The following RNF43 variants were observed in gnomAD, a reference collection of about 807,000 sequenced individuals.
The protein encoded by RNF43 is ring finger protein 43, also known as E3 ubiquitin-protein ligase RNF43.
A neutral mutation model predicts 78.4 loss-of-function variants in RNF43; 37 were observed. The observed-to-expected ratio is 0.47, with a 90% CI of 0.36 to 0.62. The LOEUF is 0.62. RNF43 is among the 20% of genes least tolerant of loss of function. RNF43 has a pLI of 0.00. For synonymous variants in RNF43, 347 were observed against 395.0 expected, an observed-to-expected ratio of 0.88 and a Z score of 1.44; for missense variants, 774 against 1,007.9, an observed-to-expected ratio of 0.77 and a Z score of 3.14.
intron 2 of RNF43, among the ~76,000 whole-genome samples, chr17:58,405,758 GAAAGAA>G (rs1348856620): frequency 6.8e-6 from 1 of 147,172 alleles, no homozygotes; most frequent in South Asian, 2.2e-4. Context: ...AAGAAAGAAA[GAAAGAA>G]AAAGAGAAAA....
intron 3 of RNF43, among the ~76,000 whole-genome samples, chr17:58,370,060 G>GT (rs56372311): frequency 0.18 from 17,640 of 95,392 alleles, 3,923 homozygotes; most frequent in South Asian, 0.26. Context: ...GAAAATCTGA[G>GT]TTTTTTTTTT....
chr17:58,353,267 A>C (rs1340927006), downstream of RNF43: 3 of 219,184 alleles, frequency 1.4e-5, no homozygotes, highest in African/African-American at 6.7e-5. Context: ...CACTGAATAA[A>C]ACTTTCCACT....
chr17:58,400,457 CAA>C (rs1197183552), intron 2 of RNF43, among the ~76,000 whole-genome samples: 1 of 152,130 alleles, frequency 6.6e-6, no homozygotes, highest in African/African-American at 2.4e-5. Context: ...AGGAATAGCT[CAA>C]GTTTAATTAC....
At chr17:58,384,014 T>C (rs1298081039) in intron 2 of RNF43, among the ~76,000 whole-genome samples, 1 of 151,722 alleles carries the variant, frequency 6.6e-6, no homozygotes, top group Non-Finnish European at 1.5e-5. Flanking sequence ...CTCTCCAGCC[T>C]ATCCTGCCCC....
At chr17:58,359,478 C>A (rs1972781087) in intron 8 of RNF43, among the ~76,000 whole-genome samples, 1 of 151,712 alleles carries the variant, frequency 6.6e-6, no homozygotes, top group Non-Finnish European at 1.5e-5. Flanking sequence ...GTGGCGGGCG[C>A]CTATAGTCCC....
rs752331006 is a variant in RNF43, at chr17:58,356,927, CCT to C, written c.2308+539_2308+540del. The stretch of plus-strand genomic sequence containing the variant: ...TTTTTTTTTTGAGATGGAGTCTCAC[CCT>C]GTTACCCAGGCTGGAGTGCAGTGGC... On this transcript the variant is annotated intron_variant, in intron 9 of 9. Transcript: ENST00000407977. 360 of 261,030 alleles carry C rather than the reference CCT, an allele frequency of 1.4e-3. 3 individuals carry two copies. Among genetic ancestry groups the C allele is most frequent in the Non-Finnish European group, 1.9e-3 (270 of 140,534 alleles). 16.2% of individuals were successfully genotyped at this position (261,030 alleles called of 1,614,324 possible). A position where few individuals can be genotyped will look rare whatever the true frequency, so the allele number is the denominator to read the frequency against.
At chr17:58,353,385 G>T (rs886431750), downstream of RNF43, 1 of 202,516 alleles carries the variant, frequency 4.9e-6, no homozygotes, top group African/African-American at 2.3e-5. Context: ...TTTGCCCAAG[G>T]TCTGAGTCAC....
intron 2 of RNF43, among the ~76,000 whole-genome samples, chr17:58,373,900 A>T (rs1010644965): frequency 1.3e-5 from 2 of 152,200 alleles, no homozygotes; most frequent in Non-Finnish European, 2.9e-5. Flanking sequence ...ACTCTGCCTG[A>T]CTCCATTGTC....
chr17:58,385,063 T>C (rs575365278), intron 2 of RNF43, among the ~76,000 whole-genome samples: 7 of 152,362 alleles, frequency 4.6e-5, no homozygotes, highest in African/African-American at 1.7e-4. Flanking sequence ...CTTCACGTGT[T>C]GCTCATGACA....
At chr17:58,355,051 C>T in intron 9 of RNF43, 65 bp from the exon 10 acceptor site, 1 of 1,402,146 alleles carries the variant, frequency 7.1e-7, no homozygotes, top group East Asian at 2.3e-5. Context: ...GCTTCTCTCG[C>T]CTGCAGCAGA....
chr17:58,371,432 G>C (rs1973094843), intron 2 of RNF43, among the ~76,000 whole-genome samples: 1 of 152,226 alleles, frequency 6.6e-6, no homozygotes, highest in African/African-American at 2.4e-5. Context: ...CAGGCTAAGA[G>C]AATATCCATG....
At chr17:58,397,044 T>C (rs1256028448) in intron 2 of RNF43, among the ~76,000 whole-genome samples, 8 of 127,898 alleles carry the variant, frequency 6.3e-5, no homozygotes, top group African/African-American at 2.3e-4. Context: ...AGCTTAGAAA[T>C]AAAAAAAAAA....
chr17:58,370,279 A>G (rs563694040), intron 3 of RNF43, among the ~76,000 whole-genome samples: 2 of 152,158 alleles, frequency 1.3e-5, no homozygotes, highest in South Asian at 2.1e-4. Context: ...TGTGTTAGCC[A>G]GGATGGTCTC....
chr17:58,370,885 G>C (rs766792777), intron 3 of RNF43, 26 bp downstream of exon 3: 1 of 1,551,960 alleles, frequency 6.4e-7, no homozygotes, highest in Non-Finnish European at 8.7e-7. Flanking sequence ...AGCTCCGGGT[G>C]TGTGTAGGGC....
Position 58,357,628 on chromosome 17 carries a change from G to T in RNF43, c.2148C>A (p.Gly716=), listed in dbSNP as rs776489595. ...CTGGCTGTGAATTTGAGTAACAGGG[G>T]CCTGGGGTTTCTGGTAGCAGCCTCT... The part of the protein sequence containing the change: ...LDKRLLPETP[G]PCYSNSQPVW... The change falls in exon 9 of 10, where the codon GGC becomes GGA. Residue 716 remains glycine (G), a synonymous_variant. Transcript: ENST00000407977. The surrounding 1 kb of genome is among the most constrained non-coding windows in gnomAD (Gnocchi z 4.5). 6.2e-7 allele frequency: 1 copy of T among 1,613,952 alleles called. No homozygotes were observed. The highest frequency in any genetic ancestry group is 1.3e-5 in the African/African-American group (1 of 74,930).
chr17:58,359,819 G>A (rs1330835684), intron 8 of RNF43, among the ~76,000 whole-genome samples: 1 of 150,176 alleles, frequency 6.7e-6, no homozygotes, highest in Non-Finnish European at 1.5e-5. Context: ...TCAGCTACTC[G>A]GGAGGCTGAG....
At position 58,360,962 on chromosome 17, in the gene RNF43, G is replaced by A. The variant is rs751038078; in HGVS notation, c.688-18C>T. On this transcript the variant is annotated intron_variant, in intron 6 of 9. Transcript: ENST00000407977. The surrounding 1 kb of genome is among the most constrained non-coding windows in gnomAD (Gnocchi z 4.3). ...AGCGGATCCTGGGAAGAGGAATGGG[G>A]CTCAGATTGGGGCATGGGCTCCCCT... The A allele has an allele frequency of 1.3e-6, 2 of 1,536,562 alleles. No homozygotes were observed. Among genetic ancestry groups the A allele is most frequent in the Non-Finnish European group, 1.8e-6 (2 of 1,137,002 alleles).
chr17:58,414,842 T>C (rs1047200877), intron 2 of RNF43, among the ~76,000 whole-genome samples: 1 of 152,156 alleles, frequency 6.6e-6, no homozygotes, highest in African/African-American at 2.4e-5. Flanking sequence ...AGGCCAGCCA[T>C]AGCATTCAAG....
chr17:58,358,368 G>A lies in RNF43; in HGVS notation c.1408C>T (p.Pro470Ser), dbSNP rs771346686. ...GAGTCACTGGAAGAGCCATGACAGG[G>A]CCCTGAGCTGGAGTCACTGGCTGGC... ...DGPASDSSSG[P>S]CHGSSSDSVV... Residue 470 changes from proline to serine, a missense_variant, in exon 9 of 10, where the codon CCC becomes TCC. Physicochemically the swap from Pro to Ser is moderately conservative, Grantham distance 74 (BLOSUM62 -1). Coordinates refer to ENST00000407977, the MANE Select transcript of RNF43 (RefSeq NM_017763.6). This position sits in a 1 kb window ranked among gnomAD's most constrained non-coding sequence, Gnocchi z 6.2. 1 of 1,614,158 alleles carries A rather than the reference G, an allele frequency of 6.2e-7. No individual in the cohort carries two copies. Among genetic ancestry groups the A allele is most frequent in the Non-Finnish European group, 8.5e-7 (1 of 1,180,018 alleles).
Sources: allele counts gnomAD v4.1 joint callset (sites outside exome capture counted in the v4.1 genomes callset), GRCh38; gene constraint gnomAD v4.1.1; non-coding constraint Gnocchi (gnomAD v3.1); transcripts MANE v1.5; gene names NCBI Gene and HGNC (gene_info 2026-07-23, HGNC 2026-07-21).